Variants in ARHGAP26 observed in about 807,000 individuals in gnomAD.
ARHGAP26 encodes the protein Rho GTPase activating protein 26.
ARHGAP26 carries 38 observed loss-of-function variants against 104.8 expected under a neutral mutation model. That is an observed-to-expected ratio of 0.36 (90% CI 0.28 to 0.48). ARHGAP26 has a LOEUF of 0.48. Ranked by LOEUF, ARHGAP26 falls within the 20% of genes least tolerant of loss-of-function variation. The pLI is 0.99. For missense variants in ARHGAP26, 704 were observed against 947.9 expected, an observed-to-expected ratio of 0.74 and a Z score of 3.38; for synonymous variants, 341 against 340.0, an observed-to-expected ratio of 1.00 and a Z score of -0.03.
chr5:142,887,142 C>T (rs1338802702), intron 5 of ARHGAP26, among the ~76,000 whole-genome samples: 1 of 152,182 alleles, frequency 6.6e-6, no homozygotes, highest in African/African-American at 2.4e-5. Flanking sequence ...AGGTGCTTCT[C>T]CACCAGATCC....
chr5:142,820,015 G>C (rs1381516310), intron 1 of ARHGAP26, among the ~76,000 whole-genome samples: 1 of 152,178 alleles, frequency 6.6e-6, no homozygotes, highest in Non-Finnish European at 1.5e-5. Flanking sequence ...GGAGGAGGGA[G>C]AGTGAGTCAT....
chr5:143,028,899 G>A (rs1274430355), intron 12 of ARHGAP26, among the ~76,000 whole-genome samples: 1 of 152,180 alleles, frequency 6.6e-6, no homozygotes, highest in African/African-American at 2.4e-5. Flanking sequence ...GGGGGTCCCT[G>A]GAGTGCTGAT....
chr5:143,071,649 T>C (rs1204150686), intron 17 of ARHGAP26, among the ~76,000 whole-genome samples: 1 of 152,216 alleles, frequency 6.6e-6, no homozygotes, highest in Admixed American at 6.5e-5. Flanking sequence ...GGCTCATGCC[T>C]GTAATCCCAG....
chr5:142,844,139 C>T (rs1355351444), intron 1 of ARHGAP26, among the ~76,000 whole-genome samples: 1 of 151,142 alleles, frequency 6.6e-6, no homozygotes, highest in Non-Finnish European at 1.5e-5. Context: ...GCAACCTCCA[C>T]TTCTGGGTTT....
intron 17 of ARHGAP26, among the ~76,000 whole-genome samples, chr5:143,078,022 A>G (rs1010938585): frequency 2.0e-5 from 3 of 152,130 alleles, no homozygotes; most frequent in Admixed American, 1.3e-4. Flanking sequence ...TTCTACCACC[A>G]TTGAAATGAA....
chr5:143,182,178 T>C (rs1804479692), intron 20 of ARHGAP26, among the ~76,000 whole-genome samples: 1 of 152,216 alleles, frequency 6.6e-6, no homozygotes. Flanking sequence ...TAGTAAGAGT[T>C]GACAACTCTT....
chr5:142,857,371 G>A (rs1300861888), intron 1 of ARHGAP26, among the ~76,000 whole-genome samples: 1 of 152,148 alleles, frequency 6.6e-6, no homozygotes, highest in Non-Finnish European at 1.5e-5. Context: ...GGGTTGATGG[G>A]CACAGTGAGG....
rs1769575423 is a variant in ARHGAP26 at position 142,836,406 on chromosome 5, C to T, written c.155-36994C>T. 2.0e-5 allele frequency among the ~76,000 whole-genome samples: 3 copies of T among 152,190 alleles called. No homozygotes were observed. In the South Asian group the frequency reaches 6.2e-4, roughly 32 times the overall value. On this transcript the variant is annotated intron_variant, in intron 1 of 22. Transcript: ENST00000645722. ...TTTCCCAATGCCAGAATTCAAGATA[C>T]TCTGTAAGGCAGGAGCTCAAAGCCC... is the stretch of plus-strand genomic sequence containing the variant.
chr5:142,859,014 C>T (rs1214611928), intron 1 of ARHGAP26, among the ~76,000 whole-genome samples: 1 of 152,074 alleles, frequency 6.6e-6, no homozygotes, highest in Non-Finnish European at 1.5e-5. Context: ...GGAGTGAGGG[C>T]AAGGCCAGTG....
At chr5:142,931,334 C>T (rs37185) in intron 10 of ARHGAP26, among the ~76,000 whole-genome samples, 56,214 of 151,922 alleles carry the variant, frequency 0.37, 11,738 homozygotes, top group East Asian at 0.63. Flanking sequence ...CTTTTTCTTG[C>T]GGAGTACCAT....
intron 20 of ARHGAP26, chr5:143,203,305 C>G (rs538544928): frequency 6.6e-6 from 1 of 152,104 alleles, no homozygotes; most frequent in Non-Finnish European, 1.5e-5. Context: ...ATGTGGCAAA[C>G]AAACATATAA....
intron 17 of ARHGAP26, among the ~76,000 whole-genome samples, chr5:143,104,391 A>T (rs914290144): frequency 1.8e-4 from 27 of 152,090 alleles, no homozygotes; most frequent in African/African-American, 6.5e-4. Context: ...CGCACCTGTA[A>T]TCCCAGCTAC....
At chr5:143,160,696 G>A (rs1395221046) in intron 20 of ARHGAP26, among the ~76,000 whole-genome samples, 1 of 151,970 alleles carries the variant, frequency 6.6e-6, no homozygotes, top group Non-Finnish European at 1.5e-5. Flanking sequence ...TGTCGCCCAG[G>A]CTAGTCCCCT....
chr5:143,137,154 T>A (rs754731644), intron 19 of ARHGAP26, among the ~76,000 whole-genome samples: 2 of 152,370 alleles, frequency 1.3e-5, no homozygotes, highest in Non-Finnish European at 2.9e-5. Flanking sequence ...CTCTAATATA[T>A]GTTAAAATAA....
At chr5:142,968,414 ATC>A in intron 11 of ARHGAP26, among the ~76,000 whole-genome samples, 1 of 152,258 alleles carries the variant, frequency 6.6e-6, no homozygotes, top group African/African-American at 2.4e-5. Context: ...TTATATTAGG[ATC>A]TCTGGATTGT....
chr5:143,106,623 G>GC (rs1794064342), intron 17 of ARHGAP26, among the ~76,000 whole-genome samples: 1 of 151,398 alleles, frequency 6.6e-6, no homozygotes, highest in Non-Finnish European at 1.5e-5. Flanking sequence ...CAGGCACGTG[G>GC]CACCACGCCC....
chr5:143,085,153 T>G (rs1181569437), intron 17 of ARHGAP26, among the ~76,000 whole-genome samples: 1 of 152,062 alleles, frequency 6.6e-6, no homozygotes, highest in Non-Finnish European at 1.5e-5. Flanking sequence ...AACTCTTGAT[T>G]CGCTTGTTTT....
At chr5:142,821,595 T>C (rs1004706072) in intron 1 of ARHGAP26, among the ~76,000 whole-genome samples, 6 of 152,268 alleles carry the variant, frequency 3.9e-5, no homozygotes, top group African/African-American at 9.6e-5. Flanking sequence ...GTCTGGGAAT[T>C]TGTTAGAAAT....
chr5:142,879,352 T>C, intron 3 of ARHGAP26, 22 bp from the exon 4 acceptor site: 1 of 1,610,170 alleles, frequency 6.2e-7, no homozygotes, highest in Non-Finnish European at 8.5e-7. Context: ...CTTCTTTCCC[T>C]TACTCTGTTG....
Sources: gnomAD v4.1 joint callset for allele counts (sites outside exome capture counted in the v4.1 genomes callset) on GRCh38, gnomAD v4.1.1 for gene constraint, MANE v1.5 for transcripts, NCBI Gene and HGNC (gene_info 2026-07-23, HGNC 2026-07-21) for gene names.